NCOA1: variants seen among roughly 807,000 people sequenced by gnomAD.
The protein encoded by NCOA1 is Hin-2 protein.
A neutral mutation model predicts 150.9 loss-of-function variants in NCOA1; 35 were observed. That is an observed-to-expected ratio of 0.23 (90% CI 0.18 to 0.31). The LOEUF is 0.31. Among genes scored for constraint, NCOA1 ranks in the 10% least tolerant of loss-of-function variants. The pLI is 1.00. For synonymous variants in NCOA1, 590 were observed against 630.0 expected, an observed-to-expected ratio of 0.94 and a Z score of 0.95; for missense variants, 1,491 against 1,749.3, an observed-to-expected ratio of 0.85 and a Z score of 2.63.
chr2:24,673,348 T>A lies in NCOA1; in HGVS notation c.257-18T>A, dbSNP rs192808795. On this transcript the variant is annotated intron_variant, in intron 6 of 22. Transcript: ENST00000348332. ...GCTCTTTTCAGATATGTGATTTTTT[T>A]AAGTTTCTTTATTATAGAGAAATCA... The A allele has an allele frequency of 1.9e-4, 276 of 1,491,258 alleles. 1 individual carries two copies. The African/African-American group carries it at 2.2e-3, about 12-fold the overall frequency. The allele number at this position is 1,491,258 out of a possible 1,614,324, so 92.4% of individuals were successfully genotyped here.
At chr2:24,714,572 G>A (rs1467493923) in intron 14 of NCOA1, among the ~76,000 whole-genome samples, 1 of 151,830 alleles carries the variant, frequency 6.6e-6, no homozygotes, top group African/African-American at 2.4e-5. Flanking sequence ...TGTTGGAGGA[G>A]CCTACCAGCA....
chr2:24,747,305 A>ATATTTT (rs771266802), intron 19 of NCOA1, among the ~76,000 whole-genome samples: 17 of 142,598 alleles, frequency 1.2e-4, no homozygotes, highest in Non-Finnish European at 2.0e-4. Context: ...TCCCGCTCAC[A>ATATTTT]TATTTTTATT....
chr2:24,523,250 C>T (rs1297089188), intron 1 of NCOA1, among the ~76,000 whole-genome samples: 1 of 152,098 alleles, frequency 6.6e-6, no homozygotes, highest in African/African-American at 2.4e-5. Context: ...TTAAAAACTG[C>T]TAAATAGATT....
intron 13 of NCOA1, 93 bp downstream of exon 13, chr2:24,707,981 C>A (rs1367991225): frequency 2.1e-6 from 3 of 1,418,866 alleles, no homozygotes; most frequent in Non-Finnish European, 2.8e-6. Context: ...TGAATTCATA[C>A]TATGTTTTAT....
intron 11 of NCOA1, among the ~76,000 whole-genome samples, chr2:24,698,012 T>G (rs977322294): frequency 6.6e-6 from 1 of 152,122 alleles, no homozygotes; most frequent in African/African-American, 2.4e-5. Context: ...TGTTGTGTGG[T>G]GGTCACTCAT....
intron 14 of NCOA1, among the ~76,000 whole-genome samples, chr2:24,725,778 A>G (rs1167832401): frequency 6.6e-6 from 1 of 151,858 alleles, no homozygotes; most frequent in Non-Finnish European, 1.5e-5. Context: ...TTATATTAAT[A>G]TATATGAAAT....
At chr2:24,580,394 TGATCTTTTGTTAGCGTTA>T (rs1331241168) in intron 2 of NCOA1, among the ~76,000 whole-genome samples, 1 of 152,232 alleles carries the variant, frequency 6.6e-6, no homozygotes, top group Non-Finnish European at 1.5e-5. Flanking sequence ...TGTTAGAGCT[TGATCTTTTGTTAGCGTTA>T]GATCTTTTGT....
intron 1 of NCOA1, among the ~76,000 whole-genome samples, chr2:24,506,436 G>T (rs1663698639): frequency 6.6e-6 from 1 of 152,090 alleles, no homozygotes; most frequent in Non-Finnish European, 1.5e-5. Context: ...CTTGCTTTGA[G>T]GACTTTTGGG....
intron 1 of NCOA1, among the ~76,000 whole-genome samples, chr2:24,498,145 G>A (rs1313674368): frequency 6.6e-6 from 1 of 152,156 alleles, no homozygotes; most frequent in Non-Finnish European, 1.5e-5. Flanking sequence ...GAATTTGTTT[G>A]TAAGAAACAA....
Position 24,711,081 on chromosome 2 carries a change from G to T in NCOA1, c.2569G>T (p.Ala857Ser). 2 of 1,613,928 alleles carry T rather than the reference G, an allele frequency of 1.2e-6. No homozygotes were observed. Among genetic ancestry groups the T allele is most frequent in the Non-Finnish European group, 1.7e-6 (2 of 1,179,932 alleles). Residue 857 changes from alanine to serine, a missense_variant, in exon 14 of 23, where the codon GCC (alanine) becomes TCC (serine). Around this residue, in one of 8 missense-constraint regions of NCOA1, gnomAD observed 703 missense variants for 717.7 expected, o/e 0.98. Transcript: ENST00000348332. The stretch of plus-strand genomic sequence containing the variant: ...GATCCTGCCAGCTTCACTTCAGTCC[G>T]CCACTGCCAGACCCACTTCCAGGCT... Reference protein sequence around the residue: ...SEILPASLQSATARPTSRLNR... With the variant: ...SEILPASLQSSTARPTSRLNR...
In NCOA1 at chr2:24,728,403, C is replaced by T; in HGVS notation, c.2813C>T (p.Ser938Phe). 1 of 1,613,802 alleles carries T rather than the reference C, an allele frequency of 6.2e-7. No individual in the cohort carries two copies. Among genetic ancestry groups the T allele is most frequent in the Non-Finnish European group, 8.5e-7 (1 of 1,179,824 alleles). ...AAGGCTCTTCTTGAACAGCTGGTAT[C>T]CTTCCTTAGTGGCAAAGATGAAACT... ...DEKALLEQLVSFLSGKDETEL... is the reference protein window; with the variant it reads ...DEKALLEQLVFFLSGKDETEL... The change falls in exon 16 of 23, where the codon TCC (serine) becomes TTC (phenylalanine). Residue 938 changes from serine to phenylalanine, a missense_variant. Ser to Phe is a radical substitution (Grantham distance 155). Transcript: ENST00000348332.
chr2:24,562,490 G>A (rs900914492), intron 1 of NCOA1, among the ~76,000 whole-genome samples: 3 of 152,194 alleles, frequency 2.0e-5, no homozygotes, highest in African/African-American at 7.2e-5. Flanking sequence ...AATGGGTAAG[G>A]AAAACATGAA....
intron 2 of NCOA1, among the ~76,000 whole-genome samples, chr2:24,582,073 T>A (rs1266051150): frequency 6.6e-6 from 1 of 152,160 alleles, no homozygotes; most frequent in Non-Finnish European, 1.5e-5. Context: ...CTTTCATCAC[T>A]CTTATTCAAC....
chr2:24,550,244 A>AT (rs906500667), intron 1 of NCOA1, among the ~76,000 whole-genome samples: 20 of 152,240 alleles, frequency 1.3e-4, no homozygotes, highest in African/African-American at 4.8e-4. Context: ...CTGCTTCCAT[A>AT]TTTTTAGGTA....
chr2:24,535,559 A>C (rs1665095436), intron 1 of NCOA1, among the ~76,000 whole-genome samples: 1 of 152,034 alleles, frequency 6.6e-6, no homozygotes, highest in Admixed American at 6.6e-5. Flanking sequence ...GGTCTTTATA[A>C]TTTGGCATGT....
intron 11 of NCOA1, among the ~76,000 whole-genome samples, chr2:24,701,883 G>A (rs1418517941): frequency 6.6e-6 from 1 of 152,112 alleles, no homozygotes; most frequent in African/African-American, 2.4e-5. Flanking sequence ...GGTGGCATGA[G>A]CCTGTAATCC....
intron 1 of NCOA1, among the ~76,000 whole-genome samples, 136 bp downstream of exon 1, chr2:24,491,738 C>G (rs1201024098): frequency 2.6e-5 from 4 of 151,390 alleles, no homozygotes; most frequent in Non-Finnish European, 5.9e-5. Context: ...GCTCCATCCT[C>G]CTCCCACTTC....
intron 1 of NCOA1, among the ~76,000 whole-genome samples, chr2:24,523,179 T>C (rs961059794): frequency 2.0e-5 from 3 of 152,204 alleles, no homozygotes; most frequent in African/African-American, 7.2e-5. Context: ...CCTTGATGTC[T>C]TTCTCTCAGT....
At chr2:24,623,534 T>C (rs867472316) in intron 3 of NCOA1, among the ~76,000 whole-genome samples, 2 of 152,224 alleles carry the variant, frequency 1.3e-5, no homozygotes, top group African/African-American at 2.4e-5. Flanking sequence ...ATAAGAAATA[T>C]GTATCTAGGG....
Sources: allele counts gnomAD v4.1 joint callset (sites outside exome capture counted in the v4.1 genomes callset), GRCh38; gene constraint gnomAD v4.1.1; regional missense constraint gnomAD v4.1.1; transcripts MANE v1.5; gene names NCBI Gene and HGNC (gene_info 2026-07-23, HGNC 2026-07-21).